The following IQGAP3 variants were observed in gnomAD, a reference collection of about 807,000 sequenced individuals.
The protein encoded by IQGAP3 is ras GTPase-activating-like protein IQGAP3.
A neutral mutation model predicts 208.2 loss-of-function variants in IQGAP3; 165 were observed. The ratio of observed to expected loss-of-function variants is 0.79; its 90% CI spans 0.70 to 0.90. IQGAP3 has a LOEUF of 0.90. IQGAP3 is among the 40% of genes least tolerant of loss of function. The pLI is 0.00. For synonymous variants in IQGAP3, 703 were observed against 803.6 expected (o/e 0.87, Z 2.12); for missense variants, 1,811 against 2,043.1 (o/e 0.89, Z 2.19).
Position 156,526,411 on chromosome 1 carries a change from A to T in IQGAP3, c.*75T>A. 1.1e-6 allele frequency: 1 copy of T among 952,208 alleles called. No homozygotes were observed. The highest frequency in any genetic ancestry group is 1.7e-6 in the Non-Finnish European group (1 of 584,618). 59.0% of individuals were successfully genotyped at this position (952,208 alleles called of 1,614,324 possible). A position where few individuals can be genotyped will look rare whatever the true frequency, so the allele number is the denominator to read the frequency against. Reference sequence around the variant, plus strand: ...CCTGAGCTCTAGGTGTCTGCAGGGAAGCACAGTGGTGAGTTAGTGTTAAAG... The same window carrying T: ...CCTGAGCTCTAGGTGTCTGCAGGGATGCACAGTGGTGAGTTAGTGTTAAAG... On this transcript the variant is annotated 3_prime_UTR_variant, in exon 38 of 38. Transcript: ENST00000361170.
intron 2 of IQGAP3, 47 bp from the exon 3 acceptor site, chr1:156,566,593 G>A (rs755718177): frequency 2.6e-5 from 42 of 1,589,294 alleles, no homozygotes; most frequent in Non-Finnish European, 3.6e-5. Flanking sequence ...AGACCACAGT[G>A]ATTTATTCTA....
At chr1:156,553,827 C>T (rs1241369604) in intron 13 of IQGAP3, among the ~76,000 whole-genome samples, 2 of 152,208 alleles carry the variant, frequency 1.3e-5, no homozygotes, top group Non-Finnish European at 2.9e-5. Context: ...GTGATCCTCC[C>T]GCCTTGGCCT....
Position 156,569,773 on chromosome 1 carries a change from C to A in IQGAP3, c.38-310G>T, listed in dbSNP as rs930443724. On this transcript the variant is annotated intron_variant, in intron 1 of 37. Transcript: ENST00000361170. ...TGACCTCGTGATCCGCCCGCCTTGG[C>A]CTCCCAAAGTGCTGGCATTACAGGC... Among the ~76,000 whole-genome samples the A allele has an allele frequency of 9.2e-5, 14 of 152,198 alleles. No individual in the cohort carries two copies. The East Asian group carries it at 2.5e-3, about 27-fold the overall frequency.
chr1:156,529,488 G>T (rs543771268), intron 34 of IQGAP3, among the ~76,000 whole-genome samples: 45 of 152,118 alleles, frequency 3.0e-4, no homozygotes, highest in African/African-American at 9.9e-4. Context: ...CTAATTTCAA[G>T]ATCTTTCCTT....
intron 1 of IQGAP3, among the ~76,000 whole-genome samples, 195 bp from the exon 2 acceptor site, chr1:156,569,658 A>C (rs1295037834): frequency 6.7e-6 from 1 of 148,554 alleles, no homozygotes; most frequent in African/African-American, 2.5e-5. Context: ...AGCTGGGACT[A>C]CAGGCGCCCG....
chr1:156,563,690 T>A, intron 6 of IQGAP3, 24 bp from the exon 7 acceptor site: 1 of 1,609,868 alleles, frequency 6.2e-7, no homozygotes, highest in Non-Finnish European at 8.5e-7. Context: ...ACAGGTGCCC[T>A]TCATCAGGCC....
At chr1:156,548,042 C>A in intron 19 of IQGAP3, 31 bp downstream of exon 19, 1 of 1,600,812 alleles carries the variant, frequency 6.2e-7, no homozygotes, top group Non-Finnish European at 8.5e-7. Context: ...AAGCCCAGGC[C>A]CTGAAGACTG....
intron 13 of IQGAP3, among the ~76,000 whole-genome samples, chr1:156,554,016 G>T (rs1345350185): frequency 6.6e-6 from 1 of 152,246 alleles, no homozygotes; most frequent in Non-Finnish European, 1.5e-5. Context: ...TCAAACATCT[G>T]CTAGGAAAGA....
Position 156,534,154 on chromosome 1 carries a change from CG to C in IQGAP3, c.3741-14del. Reference sequence around the variant, plus strand: ...ATGGATGAACTTCCTGTCCAGAGGGCGGGCATGTGAGAGAGCGGGGAGGGCC... The same window carrying C: ...ATGGATGAACTTCCTGTCCAGAGGGCGGCATGTGAGAGAGCGGGGAGGGCC... On this transcript the variant is annotated splice_polypyrimidine_tract_variant and intron_variant, in intron 29 of 37. Coordinates refer to ENST00000361170, the MANE Select transcript of IQGAP3 (RefSeq NM_178229.5). 1 of 1,612,780 alleles carries C rather than the reference CG, an allele frequency of 6.2e-7. No individual in the cohort carries two copies. Among genetic ancestry groups the C allele is most frequent in the Non-Finnish European group, 8.5e-7 (1 of 1,180,000 alleles).
chr1:156,568,231 T>C (rs1056338760), intron 2 of IQGAP3, among the ~76,000 whole-genome samples: 1 of 152,226 alleles, frequency 6.6e-6, no homozygotes, highest in East Asian at 1.9e-4. Context: ...TTGTTTTTTT[T>C]TGAGACAGAG....
intron 1 of IQGAP3, among the ~76,000 whole-genome samples, chr1:156,570,773 G>C (rs1444247843): frequency 6.6e-6 from 1 of 152,218 alleles, no homozygotes; most frequent in Non-Finnish European, 1.5e-5. Context: ...GCCTCCCAAA[G>C]TGCTGGGATT....
rs200833451 is a variant in IQGAP3 at position 156,552,069 on chromosome 1, C to A, written c.1475G>T (p.Arg492Leu). 5 of 1,614,122 alleles carry A rather than the reference C, an allele frequency of 3.1e-6. No individual in the cohort carries two copies. Among genetic ancestry groups the A allele is most frequent in the Non-Finnish European group, 4.2e-6 (5 of 1,180,014 alleles). Residue 492 changes from arginine (R) to leucine (L), a missense_variant, in exon 14 of 38, where the codon CGA becomes CTA. Arg to Leu is a moderately radical substitution (Grantham distance 102). Transcript: ENST00000361170. ...QRYFDALLKL[R>L]QERGMGEDFL... ...GTCCTCACCCATCCCACGCTCCTGT[C>A]GCAATTTCAGCAGGGCATCGAAGTA... is the stretch of plus-strand genomic sequence containing the variant.
At chr1:156,555,234 C>T (rs556145210) in intron 12 of IQGAP3, among the ~76,000 whole-genome samples, 1 of 152,084 alleles carries the variant, frequency 6.6e-6, no homozygotes, top group South Asian at 2.1e-4. Context: ...AGCACCCTTC[C>T]TATTTTCTTC....
intron 35 of IQGAP3, 117 bp from the exon 36 acceptor site, chr1:156,528,727 G>A: frequency 9.6e-7 from 1 of 1,039,870 alleles, no homozygotes; most frequent in South Asian, 1.6e-5. Context: ...ACTGATGGAA[G>A]ACAGAGGAGG....
At chr1:156,551,911 A>C in intron 14 of IQGAP3, 43 bp from the exon 15 acceptor site, 1 of 1,597,648 alleles carries the variant, frequency 6.3e-7, no homozygotes, top group Non-Finnish European at 8.6e-7. Context: ...CCCTAGACTT[A>C]ATGGCTAAGG....
chr1:156,569,187 C>T (rs557376524), intron 2 of IQGAP3, among the ~76,000 whole-genome samples, 189 bp downstream of exon 2: 6 of 150,656 alleles, frequency 4.0e-5, no homozygotes, highest in South Asian at 2.1e-4. Context: ...ATACATATTG[C>T]GGTATATAGT....
At chr1:156,532,097 C>A (rs373459870) in intron 32 of IQGAP3, among the ~76,000 whole-genome samples, 1 of 151,976 alleles carries the variant, frequency 6.6e-6, no homozygotes, top group Non-Finnish European at 1.5e-5. Context: ...AACAAGAATG[C>A]GGAATTAGGC....
At position 156,527,971 on chromosome 1, in the gene IQGAP3, C is replaced by T. The variant is rs536339169; in HGVS notation, c.4763G>A (p.Arg1588Gln). The T allele has an allele frequency of 8.8e-4, 1,416 of 1,613,118 alleles. 22 individuals are homozygous for T. The South Asian group carries it at 0.015, about 17-fold the overall frequency. Residue 1588 changes from arginine (R) to glutamine (Q), a missense_variant, in exon 37 of 38, where the codon CGA becomes CAA. Physicochemically the swap from Arg to Gln is conservative, Grantham distance 43 (BLOSUM62 1). Coordinates refer to ENST00000361170, the MANE Select transcript of IQGAP3 (RefSeq NM_178229.5). ...CCTCACCTGATAGTGAAGCTGAAATCGCTCCATGTCCACACCCAGGAACTT... is the reference window on the plus strand; with the variant it reads ...CCTCACCTGATAGTGAAGCTGAAATTGCTCCATGTCCACACCCAGGAACTT... The part of the protein sequence containing the change: ...NAKFLGVDME[R>Q]FQLHYQDLLQ...
intron 6 of IQGAP3, 44 bp from the exon 7 acceptor site, chr1:156,563,710 C>G: frequency 6.2e-7 from 1 of 1,609,720 alleles, no homozygotes; most frequent in Non-Finnish European, 8.5e-7. Context: ...CCAGAACCCC[C>G]AAGACCCTGC....
Sources: allele counts gnomAD v4.1 joint callset (sites outside exome capture counted in the v4.1 genomes callset), GRCh38; gene constraint gnomAD v4.1.1; transcripts MANE v1.5; gene names NCBI Gene and HGNC (gene_info 2026-07-23, HGNC 2026-07-21).